SORCS3: variants seen among roughly 807,000 people sequenced by gnomAD.
SORCS3 encodes the protein VPS10 domain-containing receptor SorCS3.
Under a neutral mutation model 146.3 loss-of-function variants are expected in SORCS3, and 57 were observed. The observed-to-expected ratio is 0.39, with a 90% CI of 0.31 to 0.49. The LOEUF is 0.49. Among genes scored for constraint, SORCS3 ranks in the 20% least tolerant of loss-of-function variants. The pLI, the probability that SORCS3 is intolerant of heterozygous loss-of-function variation, is 0.92. For synonymous variants in SORCS3, 653 were observed against 618.5 expected, an observed-to-expected ratio of 1.06 and a Z score of -0.83; for missense variants, 1,341 against 1,575.5, an observed-to-expected ratio of 0.85 and a Z score of 2.52.
intron 2 of SORCS3, among the ~76,000 whole-genome samples, chr10:104,892,811 G>A (rs903028996): frequency 1.3e-5 from 2 of 152,044 alleles, no homozygotes; most frequent in Non-Finnish European, 2.9e-5. Flanking sequence ...TGTCTTCCCA[G>A]TGTGAAACTA....
At chr10:105,195,680 T>G (rs935256308) in intron 14 of SORCS3, among the ~76,000 whole-genome samples, 1 of 152,234 alleles carries the variant, frequency 6.6e-6, no homozygotes, top group African/African-American at 2.4e-5. Context: ...GAGTCATGTA[T>G]GCCCCATAGG....
chr10:105,019,299 A>G (rs1251781392), intron 4 of SORCS3, among the ~76,000 whole-genome samples: 2 of 152,180 alleles, frequency 1.3e-5, no homozygotes, highest in African/African-American at 4.8e-5. Flanking sequence ...GTGCTACTCT[A>G]TATCGTATAG....
At chr10:104,896,039 A>C (rs1221049766) in intron 2 of SORCS3, among the ~76,000 whole-genome samples, 1 of 152,124 alleles carries the variant, frequency 6.6e-6, no homozygotes, top group Non-Finnish European at 1.5e-5. Context: ...TTTTTCTTCC[A>C]TTTCTCTTTA....
At chr10:104,769,307 C>T (rs2017219502) in intron 1 of SORCS3, among the ~76,000 whole-genome samples, 1 of 152,236 alleles carries the variant, frequency 6.6e-6, no homozygotes, top group Non-Finnish European at 1.5e-5. Context: ...GGCCACTTCA[C>T]AGGGCTGGCT....
rs770639344 is a variant in SORCS3, at chr10:105,216,986, T to C, written c.2598T>C (p.Ala866=). 3 of 1,614,196 alleles carry C rather than the reference T, an allele frequency of 1.9e-6. No individual in the cohort carries two copies. Among genetic ancestry groups the C allele is most frequent in the Middle Eastern group, 1.6e-4 (1 of 6,062 alleles). The part of the protein sequence containing the change: ...NIQLDFGDGI[A]VSYANFSPIE... ...AGCTTGACTTTGGGGATGGGATTGC[T>C]GTGTCCTACGCAAACTTCAGCCCCA... The change falls in exon 19 of 27, where the codon GCT becomes GCC. Residue 866 remains alanine (A), a synonymous_variant. Transcript: ENST00000369701.
chr10:105,090,050 G>T (rs2055691411), intron 6 of SORCS3, among the ~76,000 whole-genome samples: 1 of 152,142 alleles, frequency 6.6e-6, no homozygotes, highest in African/African-American at 2.4e-5. Context: ...ATTGTCTGGG[G>T]ATATGAGTTA....
chr10:105,243,562 A>G (rs1429246801), intron 20 of SORCS3, among the ~76,000 whole-genome samples: 1 of 152,110 alleles, frequency 6.6e-6, no homozygotes, highest in African/African-American at 2.4e-5. Context: ...TCATTTATCG[A>G]TTAATTCAGA....
At chr10:105,225,033 A>G (rs959374122) in intron 20 of SORCS3, among the ~76,000 whole-genome samples, 1 of 152,066 alleles carries the variant, frequency 6.6e-6, no homozygotes, top group African/African-American at 2.4e-5. Flanking sequence ...TCTGTGGCTT[A>G]TCTTTTCAAC....
chr10:105,232,243 CT>C (rs1200740908), intron 20 of SORCS3, among the ~76,000 whole-genome samples: 1 of 151,938 alleles, frequency 6.6e-6, no homozygotes, highest in Non-Finnish European at 1.5e-5. Flanking sequence ...TTCAAATAAC[CT>C]TTTTCATCCT....
In SORCS3 at chr10:105,265,229, G is replaced by A. The variant is rs537563840; in HGVS notation, c.*1855G>A. On this transcript the variant is annotated 3_prime_UTR_variant, in exon 27 of 27. Transcript: ENST00000369701. ...AATTGTTGAAAATAAATGTATTTTT[G>A]TACATCAAAGCTACATACGTGGCTG... 6.6e-6 allele frequency: 1 copy of A among 152,436 alleles called. No homozygotes were observed. The highest frequency in any genetic ancestry group is 1.5e-5 in the Non-Finnish European group (1 of 68,024). The allele number at this position is 152,436 out of a possible 1,614,324, so 9.4% of individuals were successfully genotyped here. A position where few individuals can be genotyped will look rare whatever the true frequency, so the allele number is the denominator to read the frequency against.
At chr10:104,986,142 G>A (rs889373937) in intron 4 of SORCS3, among the ~76,000 whole-genome samples, 11 of 152,172 alleles carry the variant, frequency 7.2e-5, no homozygotes, top group African/African-American at 1.7e-4. Context: ...TTGTGTATCC[G>A]CCATCATCCA....
In SORCS3 at chr10:105,165,380, G is replaced by A. The variant is rs78993164; in HGVS notation, c.1809+1001G>A. ...CTTAAAAGTGAGACAGTTTCTCCGTGGAGAAGACAAGAGAAAGACAATGAA... is the reference window on the plus strand; with the variant it reads ...CTTAAAAGTGAGACAGTTTCTCCGTAGAGAAGACAAGAGAAAGACAATGAA... On this transcript the variant is annotated intron_variant, in intron 12 of 26. Coordinates refer to ENST00000369701, the MANE Select transcript of SORCS3 (RefSeq NM_014978.3). Among the ~76,000 whole-genome samples, 424 of 152,238 alleles carry A rather than the reference G, an allele frequency of 2.8e-3. 2 individuals carry two copies. The highest frequency in any genetic ancestry group is 5.1e-3 in the Non-Finnish European group (345 of 68,024).
At chr10:105,010,716 GTTTC>G (rs1271197671) in intron 4 of SORCS3, among the ~76,000 whole-genome samples, 1 of 129,196 alleles carries the variant, frequency 7.7e-6, no homozygotes, top group Non-Finnish European at 1.7e-5. Context: ...TGGAAGCATA[GTTTC>G]TTTTTTTTTT....
chr10:104,648,301 G>A (rs1720460703), intron 1 of SORCS3, among the ~76,000 whole-genome samples: 1 of 152,136 alleles, frequency 6.6e-6, no homozygotes, highest in Non-Finnish European at 1.5e-5. Context: ...GCCTGCCTTG[G>A]ACCCTGCTTA....
intron 3 of SORCS3, among the ~76,000 whole-genome samples, chr10:104,934,350 G>A (rs2133613200): frequency 6.6e-6 from 1 of 152,304 alleles, no homozygotes; most frequent in Non-Finnish European, 1.5e-5. Flanking sequence ...ATCAGGTTTG[G>A]AATAATTTTT....
chr10:104,660,155 C>T, intron 1 of SORCS3, among the ~76,000 whole-genome samples: 1 of 152,182 alleles, frequency 6.6e-6, no homozygotes, highest in East Asian at 1.9e-4. Flanking sequence ...CGGCAGGTGA[C>T]TCTAAAAATG....
chr10:104,646,584 AT>A (rs1854149927), intron 1 of SORCS3, among the ~76,000 whole-genome samples: 1 of 152,230 alleles, frequency 6.6e-6, no homozygotes, highest in African/African-American at 2.4e-5. Context: ...CTAGTGGTTT[AT>A]CCAAGGCTAG....
chr10:104,712,198 A>C (rs775984411), intron 1 of SORCS3, among the ~76,000 whole-genome samples: 2 of 152,100 alleles, frequency 1.3e-5, no homozygotes, highest in Non-Finnish European at 2.9e-5. Flanking sequence ...GTGAAATATC[A>C]TTATTTCAGA....
At chr10:104,746,372 G>C (rs1016462990) in intron 1 of SORCS3, among the ~76,000 whole-genome samples, 3 of 152,128 alleles carry the variant, frequency 2.0e-5, no homozygotes, top group Non-Finnish European at 4.4e-5. Context: ...TCCTGACCTC[G>C]TGATCCGCCC....
Sources: gnomAD v4.1 joint callset for allele counts (sites outside exome capture counted in the v4.1 genomes callset) on GRCh38, gnomAD v4.1.1 for gene constraint, MANE v1.5 for transcripts, NCBI Gene and HGNC (gene_info 2026-07-23, HGNC 2026-07-21) for gene names.